The following AMMECR1 variants were observed in gnomAD, a reference collection of about 807,000 sequenced individuals.
The protein encoded by AMMECR1 is nuclear protein AMMECR1.
Under a neutral mutation model 22.5 loss-of-function variants are expected in AMMECR1, and 3 were observed. That is an observed-to-expected ratio of 0.13 (90% CI 0.06 to 0.35). The LOEUF (loss-of-function observed/expected upper bound fraction) is 0.35. AMMECR1 is among the 10% of genes least tolerant of loss of function. The pLI, the probability that AMMECR1 is intolerant of heterozygous loss-of-function variation, is 1.00. For missense variants in AMMECR1, 235 were observed against 278.7 expected (o/e 0.84, Z 1.12); for synonymous variants, 130 against 116.7 (o/e 1.11, Z -0.74).
intron 2 of AMMECR1, among the ~76,000 whole-genome samples, chrX:110,404,362 T>C (rs753036871): frequency 8.9e-6 from 1 of 111,762 alleles, no homozygotes; most frequent in Non-Finnish European, 1.9e-5. Flanking sequence ...GCCCAGCTAT[T>C]ACACATAATA....
At chrX:110,253,380 T>C (rs1469650915) in intron 2 of AMMECR1, among the ~76,000 whole-genome samples, 9 of 112,195 alleles carry the variant, frequency 8.0e-5, no homozygotes, top group Non-Finnish European at 1.9e-5. Context: ...ATGGGGTAAA[T>C]GTGCTGCTCT....
intron 1 of AMMECR1, 135 bp from the exon 2 acceptor site, chrX:110,264,734 C>T (rs1001839682): frequency 1.6e-5 from 7 of 432,383 alleles, no homozygotes; most frequent in African/African-American, 1.3e-4. Context: ...GCTCACAGGC[C>T]AGCCCAATAG....
intron 2 of AMMECR1, among the ~76,000 whole-genome samples, chrX:110,367,103 C>T (rs188650791): frequency 5.8e-4 from 65 of 112,184 alleles, no homozygotes; most frequent in African/African-American, 2.0e-3. Context: ...ATGCTGACTC[C>T]TCTACTTATG....
At chrX:110,248,422 A>G (rs763637559) in intron 2 of AMMECR1, among the ~76,000 whole-genome samples, 11 of 111,351 alleles carry the variant, frequency 9.9e-5, no homozygotes, top group Non-Finnish European at 1.7e-4. Context: ...AAAGAAAAAA[A>G]TACAATCTGG....
intron 2 of AMMECR1, among the ~76,000 whole-genome samples, chrX:110,380,552 T>C (rs1293878137): frequency 8.9e-6 from 1 of 112,076 alleles, no homozygotes; most frequent in South Asian, 3.7e-4. Flanking sequence ...ACGCTATTCC[T>C]ATCAAATAAC....
At chrX:110,225,680 AC>A (rs1480530038) in intron 2 of AMMECR1, among the ~76,000 whole-genome samples, 1 of 112,474 alleles carries the variant, frequency 8.9e-6, no homozygotes, top group Non-Finnish European at 1.9e-5. Context: ...TTTAAGCGTT[AC>A]ATTGGTACTC....
intron 1 of AMMECR1, among the ~76,000 whole-genome samples, chrX:110,290,162 G>C (rs1490379989): frequency 8.9e-6 from 1 of 111,789 alleles, no homozygotes; most frequent in Non-Finnish European, 1.9e-5. Context: ...TTACTCCAAT[G>C]CTTTCCCAGT....
intron 1 of AMMECR1, among the ~76,000 whole-genome samples, chrX:110,292,412 G>C (rs367827507): frequency 1.3e-4 from 14 of 111,929 alleles, no homozygotes; most frequent in African/African-American, 3.9e-4. Flanking sequence ...ACAGAAAAAT[G>C]GTGTTTATAA....
At chrX:110,244,434 A>G (rs1235560090) in intron 2 of AMMECR1, among the ~76,000 whole-genome samples, 1 of 111,663 alleles carries the variant, frequency 9.0e-6, no homozygotes, top group Non-Finnish European at 1.9e-5. Context: ...CATAATGAAT[A>G]TCTTCTCCAT....
At chrX:110,288,577 G>A (rs2067892478) in intron 1 of AMMECR1, among the ~76,000 whole-genome samples, 1 of 111,930 alleles carries the variant, frequency 8.9e-6, no homozygotes, top group African/African-American at 3.2e-5. Flanking sequence ...ATGTATGGCT[G>A]ACAGAGCTCT....
intron 1 of AMMECR1, among the ~76,000 whole-genome samples, chrX:110,286,157 C>T (rs2067878235): frequency 9.0e-6 from 1 of 111,589 alleles, no homozygotes; most frequent in African/African-American, 3.3e-5. Flanking sequence ...TAACGTCTAA[C>T]GAACATAAGT....
At chrX:110,404,775 C>T (rs1360084559) in intron 2 of AMMECR1, among the ~76,000 whole-genome samples, 4 of 111,365 alleles carry the variant, frequency 3.6e-5, no homozygotes, top group African/African-American at 9.8e-5. Flanking sequence ...TGAAAATCAC[C>T]GGATTAAGTT....
intron 2 of AMMECR1, among the ~76,000 whole-genome samples, chrX:110,416,006 C>CA (rs58422043): frequency 0.12 from 8,672 of 74,233 alleles, 383 homozygotes; most frequent in African/African-American, 0.19. Context: ...CCAGAAGAGG[C>CA]AAAAAAAAAA....
chrX:110,329,511 G>C (rs1303007687), intron 2 of AMMECR1, among the ~76,000 whole-genome samples: 11 of 112,275 alleles, frequency 9.8e-5, no homozygotes, highest in Non-Finnish European at 1.9e-4. Context: ...ATTGTAGGTG[G>C]AGACGGAAAG....
chrX:110,383,508 T>G (rs1401286918), intron 2 of AMMECR1, among the ~76,000 whole-genome samples: 1 of 110,999 alleles, frequency 9.0e-6, no homozygotes, highest in East Asian at 2.8e-4. Flanking sequence ...ACCACTCCAG[T>G]TTCATCTTCC....
chrX:110,222,621 GAA>G (rs745959315), intron 2 of AMMECR1, among the ~76,000 whole-genome samples: 8 of 80,349 alleles, frequency 1.0e-4, no homozygotes, highest in African/African-American at 3.6e-4. Flanking sequence ...TCCAATTCTG[GAA>G]AAAAAAAAAA....
Position 110,317,773 on chromosome X carries a change from G to T in AMMECR1, c.299C>A (p.Pro100Gln). 1 of 1,177,655 alleles carries T rather than the reference G, an allele frequency of 8.5e-7. No individual in the cohort carries two copies. The highest frequency in any genetic ancestry group is 1.1e-6 in the Non-Finnish European group (1 of 877,953). Residue 100 changes from proline (P) to glutamine (Q), a missense_variant, in exon 1 of 6, where the codon CCG becomes CAG. Around this residue, in one of 2 missense-constraint regions of AMMECR1, gnomAD observed 124 missense variants for 97.0 expected, o/e 1.28. Transcript: ENST00000262844. ...GGGTGAGGAAGAGGTGGCGGCGGCC[G>T]GGGTAGAAAGTAGGGTCCCCACTCC... ...SCGVGTLLSTPAAATSSSPSS... is the reference protein window; with the variant it reads ...SCGVGTLLSTQAAATSSSPSS...
chrX:110,358,152 A>G (rs2068240064), intron 2 of AMMECR1, among the ~76,000 whole-genome samples: 1 of 112,048 alleles, frequency 8.9e-6, no homozygotes, highest in African/African-American at 3.2e-5. Context: ...TTACAGACAT[A>G]TGGAAATCTG....
chrX:110,267,864 C>T (rs1008805210), intron 1 of AMMECR1, among the ~76,000 whole-genome samples: 6 of 111,851 alleles, frequency 5.4e-5, no homozygotes, highest in African/African-American at 1.3e-4. Flanking sequence ...CTATGAAATA[C>T]GTTGTAGGGC....
Sources: allele counts gnomAD v4.1 joint callset (sites outside exome capture counted in the v4.1 genomes callset), GRCh38; gene constraint gnomAD v4.1.1; regional missense constraint gnomAD v4.1.1; transcripts MANE v1.5; gene names NCBI Gene and HGNC (gene_info 2026-07-23, HGNC 2026-07-21).